ECD: variants seen among roughly 807,000 people sequenced by gnomAD.
ECD encodes the protein ecdysoneless cell cycle regulator.
A neutral mutation model predicts 77.2 loss-of-function variants in ECD; 59 were observed. The observed-to-expected ratio is 0.76, with a 90% CI of 0.62 to 0.95. The LOEUF is 0.95. ECD is among the 40% of genes least tolerant of loss of function. The pLI, the probability that ECD is intolerant of heterozygous loss-of-function variation, is 0.00. For synonymous variants in ECD, 233 were observed against 267.4 expected (o/e 0.87, Z 1.26); for missense variants, 704 against 763.4 (o/e 0.92, Z 0.92).
In ECD at chr10:73,139,616, T is replaced by C. The variant is rs763253432; in HGVS notation, c.1234+15A>G. 4 of 1,597,772 alleles carry C rather than the reference T, an allele frequency of 2.5e-6. No homozygotes were observed. Among genetic ancestry groups the C allele is most frequent in the Non-Finnish European group, 2.6e-6 (3 of 1,172,246 alleles). ...TTTTTTTAACCCTTCCACTGTATCC[T>C]GGTCCATCACTTACCATCCTCTGGG... On this transcript the variant is annotated intron_variant, in intron 10 of 13. Coordinates refer to ENST00000372979, the MANE Select transcript of ECD (RefSeq NM_007265.3).
At chr10:73,136,997 C>A in intron 12 of ECD, 79 bp from the exon 13 acceptor site, 1 of 715,146 alleles carries the variant, frequency 1.4e-6, no homozygotes, top group Non-Finnish European at 1.9e-6. Context: ...TTAGTTACTA[C>A]ACATCTCAAA....
intron 5 of ECD, among the ~76,000 whole-genome samples, chr10:73,155,886 G>A (rs867314722): frequency 2.0e-5 from 3 of 152,120 alleles, no homozygotes; most frequent in Non-Finnish European, 4.4e-5. Flanking sequence ...TTACAGGTGT[G>A]AGCCATCGCT....
rs767528827 is a variant in ECD at position 73,154,485 on chromosome 10, ATATAAATACC to A, written c.591-47_591-38del. 7 of 1,541,242 alleles carry A rather than the reference ATATAAATACC, an allele frequency of 4.5e-6. No homozygotes were observed. The South Asian group carries it at 8.4e-5, about 19-fold the overall frequency. ...AACATAATTACTTTCATTTTACAGTATATAAATACCTATAATTCTTATACCATTCACATTC... is the reference window on the plus strand; with the variant it reads ...AACATAATTACTTTCATTTTACAGTATATAATTCTTATACCATTCACATTC... On this transcript the variant is annotated intron_variant, in intron 5 of 13. Coordinates refer to ENST00000372979, the MANE Select transcript of ECD (RefSeq NM_007265.3).
At chr10:73,135,913 A>C (rs1301404499) in intron 13 of ECD, among the ~76,000 whole-genome samples, 1 of 152,160 alleles carries the variant, frequency 6.6e-6, no homozygotes, top group Non-Finnish European at 1.5e-5. Context: ...AGATTTTGAC[A>C]ATTCTGGAAG....
intron 11 of ECD, among the ~76,000 whole-genome samples, chr10:73,138,983 G>T (rs1843013633): frequency 6.6e-6 from 1 of 152,118 alleles, no homozygotes; most frequent in South Asian, 2.1e-4. Context: ...TGCTTGCAGG[G>T]TGGGAGATCA....
At position 73,163,783 on chromosome 10, in the gene ECD, G is replaced by A. The variant is rs1047692688; in HGVS notation, c.155C>T (p.Pro52Leu). Reference protein sequence around the residue: ...IITRFAPMLVPYIWQNQPFNL... With the variant: ...IITRFAPMLVLYIWQNQPFNL... ...GAAAGGCTGATTCTGCCAGATGTAG[G>A]GGACCAGCATAGGTGCAAACCGAGT... The change falls in exon 2 of 14, where the codon CCC becomes CTC. Residue 52 changes from proline to leucine, a missense_variant. This residue lies in a region of ECD where 559 missense variants were observed against 583.7 expected (regional missense o/e 0.96). Transcript: ENST00000372979. The A allele has an allele frequency of 4.3e-6, 7 of 1,613,942 alleles. No homozygotes were observed. The African/African-American group carries it at 9.3e-5, about 22-fold the overall frequency.
At chr10:73,164,098 G>A in intron 1 of ECD, 148 bp from the exon 2 acceptor site, 1 of 643,250 alleles carries the variant, frequency 1.6e-6, no homozygotes, top group Non-Finnish European at 2.6e-6. Context: ...CACTTTGGGA[G>A]GCCGAGACAG....
chr10:73,140,063 C>T (rs1281298385), intron 9 of ECD, among the ~76,000 whole-genome samples: 1 of 151,972 alleles, frequency 6.6e-6, no homozygotes, highest in African/African-American at 2.4e-5. Flanking sequence ...CGGCTCACCA[C>T]AACCTCCGCC....
intron 9 of ECD, among the ~76,000 whole-genome samples, chr10:73,140,666 A>G (rs889747737): frequency 6.6e-6 from 1 of 151,976 alleles, no homozygotes; most frequent in Non-Finnish European, 1.5e-5. Context: ...ACTCCATCTC[A>G]ATAAATAAAT....
intron 12 of ECD, among the ~76,000 whole-genome samples, chr10:73,137,259 T>C (rs1235962145): frequency 6.6e-6 from 1 of 152,138 alleles, no homozygotes; most frequent in East Asian, 1.9e-4. Flanking sequence ...CATACAAGTA[T>C]TGTCTCCAAT....
At chr10:73,138,549 C>G (rs936106436) in intron 11 of ECD, among the ~76,000 whole-genome samples, 1 of 151,928 alleles carries the variant, frequency 6.6e-6, no homozygotes, top group East Asian at 1.9e-4. Flanking sequence ...ATATTTGATA[C>G]ACAAGTAACA....
At chr10:73,142,678 C>G (rs1843074777) in intron 9 of ECD, among the ~76,000 whole-genome samples, 1 of 151,444 alleles carries the variant, frequency 6.6e-6, no homozygotes, top group Admixed American at 6.6e-5. Context: ...CTAATGTTTC[C>G]TTTGATGACC....
In ECD at chr10:73,136,819, C is replaced by T. The variant is rs144762181; in HGVS notation, c.1589G>A (p.Gly530Asp). The change falls in exon 13 of 14, where the codon GGC (glycine) becomes GAC (aspartate). Residue 530 changes from glycine (G) to aspartate (D), a missense_variant. Transcript: ENST00000372979. Reference sequence around the variant, plus strand: ...TGTTCCTTTCAGGGAAGCCTCTTCGCCAGGTTCGTGTGTTTCAAAGTCCAA... The same window carrying T: ...TGTTCCTTTCAGGGAAGCCTCTTCGTCAGGTTCGTGTGTTTCAAAGTCCAA... ...DDLDFETHEP[G>D]EEASLKGTLD... The T allele has an allele frequency of 2.4e-4, 390 of 1,614,070 alleles. No individual in the cohort carries two copies. Among genetic ancestry groups the T allele is most frequent in the Non-Finnish European group, 3.2e-4 (374 of 1,180,008 alleles).
chr10:73,157,392 A>G (rs1843310295), intron 3 of ECD, among the ~76,000 whole-genome samples: 1 of 151,852 alleles, frequency 6.6e-6, no homozygotes, highest in African/African-American at 2.4e-5. Context: ...TAGGTTATAC[A>G]TTCACATGGT....
chr10:73,152,570 GT>G, intron 6 of ECD, 149 bp from the exon 7 acceptor site: 3 of 884,960 alleles, frequency 3.4e-6, no homozygotes, highest in Non-Finnish European at 4.9e-6. Flanking sequence ...TTGCCTACTT[GT>G]TTTTAGTAAC....
chr10:73,147,081 G>GA (rs1240400510), intron 8 of ECD, among the ~76,000 whole-genome samples: 16 of 148,548 alleles, frequency 1.1e-4, no homozygotes, highest in East Asian at 9.9e-4. Flanking sequence ...CTACTAAAAA[G>GA]AAAAAAAAAC....
At chr10:73,150,695 C>A (rs184496155) in intron 7 of ECD, among the ~76,000 whole-genome samples, 2 of 152,128 alleles carry the variant, frequency 1.3e-5, no homozygotes, top group South Asian at 4.1e-4. Context: ...ACAAACAACC[C>A]CATCAACAAG....
intron 7 of ECD, among the ~76,000 whole-genome samples, chr10:73,150,678 GA>G (rs879716028): frequency 8.2e-4 from 125 of 151,872 alleles, no homozygotes; most frequent in Non-Finnish European, 1.4e-3. Context: ...AAATTTACAA[GA>G]AAAAAACAAA....
intron 9 of ECD, 42 bp from the exon 10 acceptor site, chr10:73,139,779 C>T (rs1268891758): frequency 1.5e-6 from 2 of 1,314,868 alleles, no homozygotes; most frequent in African/African-American, 3.0e-5. Context: ...CATAAGAGAA[C>T]ATAGAATAGT....
Sources: gnomAD v4.1 joint callset for allele counts (sites outside exome capture counted in the v4.1 genomes callset) on GRCh38, gnomAD v4.1.1 for gene constraint, gnomAD v4.1.1 regional missense constraint, MANE v1.5 for transcripts, NCBI Gene and HGNC (gene_info 2026-07-23, HGNC 2026-07-21) for gene names.